The following NAV1 variants were observed in gnomAD, a reference collection of about 807,000 sequenced individuals.
The protein encoded by NAV1 is pore membrane and/or filament interacting like protein 3.
Under a neutral mutation model 175.2 loss-of-function variants are expected in NAV1, and 18 were observed. The ratio of observed to expected loss-of-function variants is 0.10; its 90% CI spans 0.07 to 0.15. The LOEUF (loss-of-function observed/expected upper bound fraction) is 0.15. NAV1 is among the 10% of genes least tolerant of loss of function. NAV1 has a pLI of 1.00. For synonymous variants in NAV1, 897 were observed against 978.7 expected (o/e 0.92, Z 1.56); for missense variants, 1,731 against 2,436.6 (o/e 0.71, Z 6.10).
chr1:201,640,671 G>A (rs978317353), intron 2 of NAV1, among the ~76,000 whole-genome samples: 6 of 152,206 alleles, frequency 3.9e-5, no homozygotes, highest in African/African-American at 1.2e-4. Context: ...CTCTGGCCCA[G>A]GGCTTCAGGG....
intron 28 of NAV1, among the ~76,000 whole-genome samples, chr1:201,815,139 G>A (rs932013197): frequency 2.0e-5 from 3 of 151,922 alleles, no homozygotes; most frequent in Non-Finnish European, 4.4e-5. Flanking sequence ...CATGAGGTTT[G>A]TGCATGTTAA....
intron 2 of NAV1, among the ~76,000 whole-genome samples, chr1:201,638,195 C>T (rs1276831226): frequency 6.6e-6 from 1 of 152,148 alleles, no homozygotes; most frequent in East Asian, 1.9e-4. Flanking sequence ...CCCAGAACCC[C>T]CAAGGCTTGA....
At chr1:201,547,466 T>A (rs1400295117) in intron 1 of NAV1, among the ~76,000 whole-genome samples, 1 of 152,182 alleles carries the variant, frequency 6.6e-6, no homozygotes, top group African/African-American at 2.4e-5. Context: ...AGGCCTAAAT[T>A]GGAATTTTCT....
intron 3 of NAV1, among the ~76,000 whole-genome samples, chr1:201,741,512 AG>A (rs1673420929): frequency 1.0e-5 from 1 of 98,828 alleles, no homozygotes; most frequent in South Asian, 2.7e-4. Flanking sequence ...GGTGAAGGGA[AG>A]GAACTGTTCA....
intron 15 of NAV1, chr1:201,795,543 G>A (rs1351499973): frequency 6.6e-6 from 1 of 151,936 alleles, no homozygotes; most frequent in Middle Eastern, 3.2e-3. Context: ...ATGTTAAAGG[G>A]GAAAGATGTA....
At chr1:201,568,043 G>A (rs1460409235) in intron 1 of NAV1, among the ~76,000 whole-genome samples, 1 of 152,176 alleles carries the variant, frequency 6.6e-6, no homozygotes. Context: ...ACCTGTGAGT[G>A]CCTAGGACCA....
intron 1 of NAV1, among the ~76,000 whole-genome samples, chr1:201,550,321 G>A (rs1197422898): frequency 2.0e-5 from 3 of 152,010 alleles, no homozygotes; most frequent in East Asian, 2.0e-4. Context: ...ACAGGCGCCC[G>A]CCACCACACC....
In NAV1 at chr1:201,716,254, G is replaced by A. The variant is rs538331428; in HGVS notation, c.861-2136G>A. The stretch of plus-strand genomic sequence containing the variant: ...CTCCCCTGTCTCATCCCATGGTCAA[G>A]GTCAGCTTGCTTTTATCAAGCACTT... On this transcript the variant is annotated intron_variant, in intron 2 of 29. Coordinates refer to ENST00000367296, the Ensembl canonical transcript of NAV1. 8.5e-5 allele frequency among the ~76,000 whole-genome samples: 13 copies of A among 152,298 alleles called. No homozygotes were observed. In the East Asian group the frequency reaches 1.9e-3, roughly 23 times the overall value.
chr1:201,593,610 G>T (rs1244497031), intron 2 of NAV1, among the ~76,000 whole-genome samples: 1 of 152,170 alleles, frequency 6.6e-6, no homozygotes. Flanking sequence ...TTTCTCAGGA[G>T]TCCTCTGAGC....
chr1:201,701,412 T>TAAAAA (rs969642968), intron 1 of NAV1, among the ~76,000 whole-genome samples: 1 of 63,452 alleles, frequency 1.6e-5, no homozygotes, highest in Non-Finnish European at 4.1e-5. Flanking sequence ...TAAAGTATAA[T>TAAAAA]AAAAAAAATA....
chr1:201,635,142 C>T (rs920852859), intron 2 of NAV1, among the ~76,000 whole-genome samples: 27 of 152,168 alleles, frequency 1.8e-4, no homozygotes, highest in African/African-American at 6.5e-4. Context: ...GGGTTGATGC[C>T]ATTCTCCTAC....
At chr1:201,779,506 G>A (rs1676170019) in intron 3 of NAV1, among the ~76,000 whole-genome samples, 1 of 145,788 alleles carries the variant, frequency 6.9e-6, no homozygotes, top group South Asian at 2.1e-4. Flanking sequence ...GCTGAAGCAG[G>A]AGAATTGCTT....
intron 2 of NAV1, among the ~76,000 whole-genome samples, chr1:201,616,325 T>C (rs1668001068): frequency 6.6e-6 from 1 of 152,104 alleles, no homozygotes; most frequent in South Asian, 2.1e-4. Flanking sequence ...CACTGACGGA[T>C]AGACCCAGGG....
At chr1:201,672,037 CCT>C (rs1670064843) in intron 1 of NAV1, among the ~76,000 whole-genome samples, 1 of 152,172 alleles carries the variant, frequency 6.6e-6, no homozygotes, top group South Asian at 2.1e-4. Context: ...CCAAAGCTTT[CCT>C]CTCTCTTCTT....
rs239983 is a variant in NAV1, at chr1:201,740,752, G to T, written c.1226+21997G>T. Among the ~76,000 whole-genome samples the T allele has an allele frequency of 0.94, 142,808 of 152,064 alleles. 67,119 individuals are homozygous for T. Among genetic ancestry groups the T allele is most frequent in the East Asian group, 1 (5,162 of 5,162 alleles). ...GGAGACGCACAGTGAGGGACTGGTC[G>T]TGTAAGGTGAGGGCAAGGCACAGAG... On this transcript the variant is annotated intron_variant, in intron 3 of 29. Coordinates refer to ENST00000367296, the Ensembl canonical transcript of NAV1. This position sits in a 1 kb window ranked among gnomAD's most constrained non-coding sequence, Gnocchi z 4.7.
chr1:201,682,070 C>T (rs958414456), intron 1 of NAV1, among the ~76,000 whole-genome samples: 25 of 142,078 alleles, frequency 1.8e-4, no homozygotes, highest in African/African-American at 8.0e-5. Context: ...GAGCCAAGAT[C>T]GTGCCACTGC....
At chr1:201,639,776 C>T (rs1396584265) in intron 2 of NAV1, among the ~76,000 whole-genome samples, 2 of 152,218 alleles carry the variant, frequency 1.3e-5, no homozygotes, top group East Asian at 1.9e-4. Flanking sequence ...GCCTGTGCCC[C>T]GTCCCCATCC....
At chr1:201,641,149 G>T (rs920409161) in intron 2 of NAV1, among the ~76,000 whole-genome samples, 34 of 152,138 alleles carry the variant, frequency 2.2e-4, no homozygotes, top group African/African-American at 8.0e-4. Flanking sequence ...CAATCTTAGA[G>T]CTGTCCAGGC....
chr1:201,565,605 G>A (rs1321136826), intron 1 of NAV1, among the ~76,000 whole-genome samples: 1 of 152,254 alleles, frequency 6.6e-6, no homozygotes, highest in Admixed American at 6.5e-5. Context: ...GTGGATCCCT[G>A]CAGGAACTGA....
Sources: gnomAD v4.1 joint callset for allele counts (sites outside exome capture counted in the v4.1 genomes callset) on GRCh38, gnomAD v4.1.1 for gene constraint, Gnocchi (gnomAD v3.1) non-coding constraint, MANE v1.5 for transcripts, NCBI Gene and HGNC (gene_info 2026-07-23, HGNC 2026-07-21) for gene names.